RIMS2: variants seen among roughly 807,000 people sequenced by gnomAD.
RIMS2 encodes regulating synaptic membrane exocytosis protein 2.
In RIMS2, 59 loss-of-function variants were observed where a neutral mutation model predicts 174.4. The ratio of observed to expected loss-of-function variants is 0.34; its 90% CI spans 0.27 to 0.42. The LOEUF is 0.42. RIMS2 is among the 10% of genes least tolerant of loss of function. The pLI is 1.00. For missense variants in RIMS2, 1,620 were observed against 1,666.3 expected, an observed-to-expected ratio of 0.97 and a Z score of 0.48; for synonymous variants, 606 against 572.5, an observed-to-expected ratio of 1.06 and a Z score of -0.84.
At chr8:103,514,342 A>C (rs1044656951) in intron 1 of RIMS2, among the ~76,000 whole-genome samples, 3 of 152,196 alleles carry the variant, frequency 2.0e-5, no homozygotes, top group African/African-American at 7.2e-5. Context: ...TAGTTAATTT[A>C]CTTTAACTTA....
intron 11 of RIMS2, among the ~76,000 whole-genome samples, chr8:103,928,341 A>G (rs1595323998): frequency 6.6e-6 from 1 of 151,560 alleles, no homozygotes; most frequent in East Asian, 1.9e-4. Context: ...ATAAATTTGT[A>G]CCTTACTTAA....
downstream of RIMS2, chr8:104,252,069 C>T: frequency 1.9e-6 from 1 of 520,574 alleles, no homozygotes; most frequent in Non-Finnish European, 3.4e-6. Flanking sequence ...GAGTTCTGGT[C>T]CAATCTGAAG....
chr8:103,886,095 A>G lies in RIMS2; in HGVS notation c.1496A>G (p.His499Arg), dbSNP rs765558680. 6.2e-6 allele frequency: 10 copies of G among 1,612,990 alleles called. No individual in the cohort carries two copies. The South Asian group carries it at 6.6e-5, about 11-fold the overall frequency. The stretch of plus-strand genomic sequence containing the variant: ...GTGAGACCTCCACCACCAAAGCCTC[A>G]TAAATCAAAGAAAGGCGGTAAAATG... Residue 499 changes from histidine (H) to arginine (R), a missense_variant, in exon 4 of 24, where the codon CAT becomes CGT. His to Arg is a conservative substitution (Grantham distance 29, BLOSUM62 0). Coordinates refer to ENST00000504942, the Ensembl canonical transcript of RIMS2.
intron 3 of RIMS2, among the ~76,000 whole-genome samples, chr8:103,786,272 C>G (rs1327062543): frequency 6.6e-6 from 1 of 152,068 alleles, no homozygotes; most frequent in East Asian, 1.9e-4. Context: ...CTATTTCCTT[C>G]AGTTCTCCTC....
In RIMS2 at chr8:104,004,759, T is replaced by A. The variant is rs548986767; in HGVS notation, c.3045-8683T>A. On this transcript the variant is annotated intron_variant, in intron 17 of 23. Coordinates refer to ENST00000504942, the Ensembl canonical transcript of RIMS2. ...GAAGAGTCTTAGGGGAGGTAGGAGG[T>A]CATCAGACTAAACACACAGATGGAT... 2.6e-5 allele frequency among the ~76,000 whole-genome samples: 4 copies of A among 151,736 alleles called. No homozygotes were observed. The East Asian group carries it at 7.7e-4, about 29-fold the overall frequency.
rs1387461514 is a variant in RIMS2 at position 103,674,431 on chromosome 8, ATAAACCTTTTATGATCTCTT to A, written c.177-22654_177-22635del. Among the ~76,000 whole-genome samples, 6 of 152,220 alleles carry A rather than the reference ATAAACCTTTTATGATCTCTT, an allele frequency of 3.9e-5. 1 individual carries two copies. The highest frequency in any genetic ancestry group is 8.8e-5 in the Non-Finnish European group (6 of 68,040). The stretch of plus-strand genomic sequence containing the variant: ...TAGCTTTTGACCACACAAGATTTTC[ATAAACCTTTTATGATCTCTT>A]AGAAAATTTTAAAATTCTTTTTATT... On this transcript the variant is annotated intron_variant, in intron 1 of 23. Transcript: ENST00000504942.
chr8:103,966,220 G>T (rs1392095276), intron 15 of RIMS2, among the ~76,000 whole-genome samples: 1 of 152,080 alleles, frequency 6.6e-6, no homozygotes, highest in Non-Finnish European at 1.5e-5. Context: ...TTTCTTTCTT[G>T]TTTGGTAGAA....
In RIMS2 at chr8:103,549,426, A is replaced by AT. The variant is rs1846614436; in HGVS notation, c.176+48368dup. Among the ~76,000 whole-genome samples, 3 of 152,260 alleles carry AT rather than the reference A, an allele frequency of 2.0e-5. No homozygotes were observed. The South Asian group carries it at 6.2e-4, about 32-fold the overall frequency. On this transcript the variant is annotated intron_variant, in intron 1 of 23. Transcript: ENST00000504942. The stretch of plus-strand genomic sequence containing the variant: ...TTTATAGACAAGCAAATGTTGAGAG[A>AT]TTTTGTCAACACCAGGCCTACCTTA...
chr8:103,860,918 A>T (rs1387035062), intron 3 of RIMS2, among the ~76,000 whole-genome samples: 1 of 152,188 alleles, frequency 6.6e-6, no homozygotes, highest in Non-Finnish European at 1.5e-5. Flanking sequence ...TAACTTAAGC[A>T]ATTGTCTGTA....
chr8:103,991,971 G>A (rs1354517368), intron 17 of RIMS2, among the ~76,000 whole-genome samples: 1 of 152,088 alleles, frequency 6.6e-6, no homozygotes. Flanking sequence ...TGTATAGTAG[G>A]TATTGAAAAT....
At chr8:104,171,972 A>G (rs1416532145) in intron 19 of RIMS2, among the ~76,000 whole-genome samples, 1 of 152,112 alleles carries the variant, frequency 6.6e-6, no homozygotes, top group Non-Finnish European at 1.5e-5. Context: ...TGCTTGTAGT[A>G]GTTTGGTACT....
intron 19 of RIMS2, among the ~76,000 whole-genome samples, chr8:104,184,924 AG>A (rs2098960124): frequency 2.3e-5 from 1 of 43,410 alleles, no homozygotes; most frequent in African/African-American, 2.3e-4. Context: ...AATTTATAAT[AG>A]GGAAGAAAAA....
chr8:103,523,770 T>G (rs925957200), intron 1 of RIMS2, among the ~76,000 whole-genome samples: 2 of 152,154 alleles, frequency 1.3e-5, no homozygotes, highest in Non-Finnish European at 2.9e-5. Context: ...ACTTGTGATT[T>G]TTTTTTCAAT....
intron 2 of RIMS2, among the ~76,000 whole-genome samples, chr8:103,710,271 T>G (rs2097288094): frequency 6.6e-6 from 1 of 152,160 alleles, no homozygotes; most frequent in Non-Finnish European, 1.5e-5. Flanking sequence ...CTTAGTAATC[T>G]TTTAAGGGAA....
chr8:103,749,525 G>A (rs1378702466), intron 2 of RIMS2, among the ~76,000 whole-genome samples: 1 of 152,008 alleles, frequency 6.6e-6, no homozygotes, highest in Non-Finnish European at 1.5e-5. Flanking sequence ...TTTGTGGGGA[G>A]CATGAGGTGT....
intron 1 of RIMS2, among the ~76,000 whole-genome samples, chr8:103,533,416 T>A (rs769482582): frequency 6.6e-6 from 1 of 151,944 alleles, no homozygotes; most frequent in African/African-American, 2.4e-5. Context: ...TAGGAGTTAG[T>A]ATTGAGTTTT....
At chr8:103,675,119 C>T (rs2096791934) in intron 1 of RIMS2, among the ~76,000 whole-genome samples, 1 of 152,218 alleles carries the variant, frequency 6.6e-6, no homozygotes, top group Non-Finnish European at 1.5e-5. Flanking sequence ...ACTATGTTGG[C>T]CTGGCTGGTC....
chr8:104,173,207 C>A (rs570206981), intron 19 of RIMS2, among the ~76,000 whole-genome samples: 4 of 152,152 alleles, frequency 2.6e-5, no homozygotes, highest in Non-Finnish European at 4.4e-5. Flanking sequence ...AAATTTAATA[C>A]TCATACGTTA....
rs576897732 is a variant in RIMS2 at position 103,621,300 on chromosome 8, A to G, written c.177-75786A>G. Among the ~76,000 whole-genome samples, 13 of 152,300 alleles carry G rather than the reference A, an allele frequency of 8.5e-5. No individual in the cohort carries two copies. In the East Asian group the frequency reaches 2.5e-3, roughly 29 times the overall value. On this transcript the variant is annotated intron_variant, in intron 1 of 23. Transcript: ENST00000504942. ...ATTGATAACCTGACGTGCCCACCCT[A>G]CTGCTGTGTCTGGTTTCCATTGGCT... is the stretch of plus-strand genomic sequence containing the variant.
Sources: gnomAD v4.1 joint callset for allele counts (sites outside exome capture counted in the v4.1 genomes callset) on GRCh38, gnomAD v4.1.1 for gene constraint, MANE v1.5 for transcripts, NCBI Gene and HGNC (gene_info 2026-07-23, HGNC 2026-07-21) for gene names.